Variants in ANO10 observed in about 807,000 individuals in gnomAD.
The protein encoded by ANO10 is anoctamin-10.
ANO10 carries 77 observed loss-of-function variants against 74.7 expected under a neutral mutation model. The observed-to-expected ratio is 1.03, with a 90% CI of 0.86 to 1.25. The LOEUF (loss-of-function observed/expected upper bound fraction) is 1.25. Ranked by LOEUF, ANO10 falls within the 50% of genes most tolerant of loss-of-function variation. The pLI, the probability that ANO10 is intolerant of heterozygous loss-of-function variation, is 0.00. For missense variants in ANO10, 721 were observed against 778.1 expected, an observed-to-expected ratio of 0.93 and a Z score of 0.87; for synonymous variants, 279 against 284.9, an observed-to-expected ratio of 0.98 and a Z score of 0.21.
intron 12 of ANO10, among the ~76,000 whole-genome samples, chr3:43,380,744 A>G (rs1379451554): frequency 6.6e-6 from 1 of 152,236 alleles, no homozygotes; most frequent in Non-Finnish European, 1.5e-5. Flanking sequence ...ACCTCCTTAA[A>G]GTATAAATCT....
At chr3:43,566,101 C>T (rs2080318517) in intron 7 of ANO10, among the ~76,000 whole-genome samples, 2 of 152,148 alleles carry the variant, frequency 1.3e-5, no homozygotes. Flanking sequence ...TCGGGTCACT[C>T]CCACCAGAAT....
At chr3:43,540,763 G>A (rs780031734) in intron 11 of ANO10, among the ~76,000 whole-genome samples, 7 of 152,150 alleles carry the variant, frequency 4.6e-5, no homozygotes, top group Non-Finnish European at 8.8e-5. Flanking sequence ...GAGAGAGCTG[G>A]GTTAACAGGG....
At chr3:43,401,195 C>T (rs2092475000) in intron 12 of ANO10, among the ~76,000 whole-genome samples, 2 of 152,092 alleles carry the variant, frequency 1.3e-5, no homozygotes, top group Admixed American at 6.6e-5. Context: ...CTAAGTAAGA[C>T]AGAATGGCCA....
intron 12 of ANO10, among the ~76,000 whole-genome samples, chr3:43,383,681 G>T (rs74785945): frequency 0.024 from 3,685 of 152,194 alleles, 160 homozygotes; most frequent in African/African-American, 0.083. Flanking sequence ...AAAATCACAT[G>T]ATCATCTCAG....
chr3:43,464,620 A>G (rs1039376091), intron 11 of ANO10, among the ~76,000 whole-genome samples: 1 of 152,208 alleles, frequency 6.6e-6, no homozygotes, highest in African/African-American at 2.4e-5. Flanking sequence ...TTGAGGTTGC[A>G]GTGAGCCATA....
At chr3:43,555,612 C>T (rs2079708438) in intron 9 of ANO10, 143 bp from the exon 10 acceptor site, 4 of 727,318 alleles carry the variant, frequency 5.5e-6, no homozygotes, top group Admixed American at 5.3e-5. Context: ...TCTCCAACTT[C>T]TGACACCCTC....
intron 12 of ANO10, among the ~76,000 whole-genome samples, chr3:43,395,606 A>G (rs1292075358): frequency 6.6e-6 from 1 of 151,766 alleles, no homozygotes; most frequent in Non-Finnish European, 1.5e-5. Flanking sequence ...GTGTGAGGTT[A>G]TCACCGAACT....
At chr3:43,476,051 A>G (rs1447997082) in intron 11 of ANO10, among the ~76,000 whole-genome samples, 1 of 152,004 alleles carries the variant, frequency 6.6e-6, no homozygotes, top group Non-Finnish European at 1.5e-5. Context: ...TCTCATATTT[A>G]TTCTATGTGA....
chr3:43,378,410 T>G (rs954321537), intron 12 of ANO10, among the ~76,000 whole-genome samples: 8 of 152,226 alleles, frequency 5.3e-5, no homozygotes, highest in African/African-American at 1.9e-4. Context: ...CAGATCCTTA[T>G]GAAATGCAGC....
chr3:43,485,351 A>T, intron 11 of ANO10: 1 of 489,612 alleles, frequency 2.0e-6, no homozygotes, highest in Non-Finnish European at 3.7e-6. Flanking sequence ...CTCCCCATCC[A>T]GGGAGGCGCC....
intron 1 of ANO10, among the ~76,000 whole-genome samples, chr3:43,636,050 CA>C (rs2149561275): frequency 6.6e-6 from 1 of 151,660 alleles, no homozygotes; most frequent in Non-Finnish European, 1.5e-5. Flanking sequence ...ACCCAAAAAA[CA>C]GAGTTGTCCT....
intron 1 of ANO10, among the ~76,000 whole-genome samples, chr3:43,647,247 C>T (rs913297425): frequency 6.6e-6 from 1 of 151,134 alleles, no homozygotes; most frequent in Non-Finnish European, 1.5e-5. Context: ...GGAATTGATT[C>T]ACATGATTAT....
At position 43,660,994 on chromosome 3, in the gene ANO10, A is replaced by C. The variant is rs541735737; in HGVS notation, c.-12+30523T>G. On this transcript the variant is annotated intron_variant, in intron 1 of 3. Coordinates refer to the ANO10 transcript ENST00000413397. ...GAAAACACTCTTCAGGATATTATCC[A>C]GGAGAACTTCCCCAACCTAGCAAGG... Among the ~76,000 whole-genome samples the C allele has an allele frequency of 5.3e-5, 8 of 152,338 alleles. No individual in the cohort carries two copies. The East Asian group carries it at 1.5e-3, about 29-fold the overall frequency.
At chr3:43,407,340 G>A (rs957890455) in intron 12 of ANO10, among the ~76,000 whole-genome samples, 1 of 152,192 alleles carries the variant, frequency 6.6e-6, no homozygotes, top group Non-Finnish European at 1.5e-5. Context: ...TCAGACCACA[G>A]ATTCATGAAC....
chr3:43,440,390 G>A, intron 11 of ANO10, among the ~76,000 whole-genome samples: 2 of 152,134 alleles, frequency 1.3e-5, no homozygotes, highest in Middle Eastern at 6.8e-3. Context: ...AACAAAAAGA[G>A]AGCCAGAATG....
chr3:43,670,318 C>A (rs912512902), intron 1 of ANO10, among the ~76,000 whole-genome samples: 29 of 116,628 alleles, frequency 2.5e-4, no homozygotes, highest in Non-Finnish European at 7.0e-5. Flanking sequence ...AGAGCAAGAC[C>A]CTTTCTTAAA....
At chr3:43,434,843 T>G (rs9844641) in intron 11 of ANO10, among the ~76,000 whole-genome samples, 1 of 152,180 alleles carries the variant, frequency 6.6e-6, no homozygotes, top group Non-Finnish European at 1.5e-5. Context: ...TTGAAAAAAG[T>G]TGGTATTGAT....
At chr3:43,470,971 A>G (rs1391583923) in intron 11 of ANO10, among the ~76,000 whole-genome samples, 1 of 152,192 alleles carries the variant, frequency 6.6e-6, no homozygotes, top group Non-Finnish European at 1.5e-5. Context: ...CTATAAAACT[A>G]AGACTGCTCT....
chr3:43,530,127 G>A (rs938124095), intron 11 of ANO10, among the ~76,000 whole-genome samples: 4 of 152,046 alleles, frequency 2.6e-5, no homozygotes, highest in African/African-American at 9.7e-5. Flanking sequence ...TATTATCAAA[G>A]TGGAATTAAG....
Sources: gnomAD v4.1 joint callset for allele counts (sites outside exome capture counted in the v4.1 genomes callset) on GRCh38, gnomAD v4.1.1 for gene constraint, MANE v1.5 for transcripts, NCBI Gene and HGNC (gene_info 2026-07-23, HGNC 2026-07-21) for gene names.